Variants in DCTN4 observed in about 807,000 individuals in gnomAD.
The protein encoded by DCTN4 is dynactin subunit 4, also known as dynactin 4 (p62).
A neutral mutation model predicts 62.7 loss-of-function variants in DCTN4; 23 were observed. The observed-to-expected ratio is 0.37, with a 90% CI of 0.26 to 0.52. The LOEUF is 0.52. Ranked by LOEUF, DCTN4 falls within the 20% of genes least tolerant of loss-of-function variation. The pLI is 0.92. For missense variants in DCTN4, 514 were observed against 580.4 expected, an observed-to-expected ratio of 0.89 and a Z score of 1.18; for synonymous variants, 199 against 202.1, an observed-to-expected ratio of 0.98 and a Z score of 0.13.
At chr5:150,725,612 T>G (rs1760114778) in intron 8 of DCTN4, among the ~76,000 whole-genome samples, 1 of 152,222 alleles carries the variant, frequency 6.6e-6, no homozygotes, top group Non-Finnish European at 1.5e-5. Flanking sequence ...CTTTTAATAT[T>G]TCTTCTTTTC....
Position 150,758,952 on chromosome 5 carries a change from G to A in DCTN4, c.42C>T (p.Val14=). ...GGGCCCGAACCTTCTTTTCTCCCTGGACTAGATAGAGAACCCGGTCCGACT... is the reference window on the plus strand; with the variant it reads ...GGGCCCGAACCTTCTTTTCTCCCTGAACTAGATAGAGAACCCGGTCCGACT... ...LLQSDRVLYL[V]QGEKKVRAPL... is the part of the protein sequence containing the mutation. The change falls in exon 1 of 13, where the codon GTC becomes GTT. Residue 14 remains valine, a synonymous_variant. Coordinates refer to ENST00000447998, the MANE Select transcript of DCTN4 (RefSeq NM_016221.4). 6.2e-7 allele frequency: 1 copy of A among 1,614,112 alleles called. No homozygotes were observed. The highest frequency in any genetic ancestry group is 8.5e-7 in the Non-Finnish European group (1 of 1,180,002).
intron 11 of DCTN4, 145 bp from the exon 12 acceptor site, chr5:150,715,807 G>A (rs1252264893): frequency 4.7e-6 from 3 of 640,182 alleles, no homozygotes; most frequent in East Asian, 5.6e-5. Context: ...AAGAACAAAG[G>A]TTTTAAGAGA....
At chr5:150,717,085 C>T (rs557474897) in intron 11 of DCTN4, among the ~76,000 whole-genome samples, 1 of 151,286 alleles carries the variant, frequency 6.6e-6, no homozygotes, top group Non-Finnish European at 1.5e-5. Flanking sequence ...CTTTTTAAAC[C>T]ATTTCTATTA....
chr5:150,722,659 A>G (rs973401565), intron 9 of DCTN4, among the ~76,000 whole-genome samples: 1 of 152,238 alleles, frequency 6.6e-6, no homozygotes, highest in African/African-American at 2.4e-5. Context: ...CAAATAATCA[A>G]CATACCTTGT....
intron 3 of DCTN4, among the ~76,000 whole-genome samples, chr5:150,752,050 A>G (rs1752694624): frequency 6.6e-6 from 1 of 152,166 alleles, no homozygotes; most frequent in South Asian, 2.1e-4. Context: ...CAAAATGAGA[A>G]TTTTTACAAG....
rs753090245 is a variant in DCTN4 at position 150,742,132 on chromosome 5, T to G, written c.411A>C (p.Glu137Asp). ...SVASGGWQEPENPHTQRMNKL... is the reference protein window; with the variant it reads ...SVASGGWQEPDNPHTQRMNKL... Reference sequence around the variant, plus strand: ...TACTTACCCGTTGTGTGTGAGGATTTTCAGGTTCCTGCCAACCGCCACTAG... The same window carrying G: ...TACTTACCCGTTGTGTGTGAGGATTGTCAGGTTCCTGCCAACCGCCACTAG... The change falls in exon 4 of 13, where the codon GAA becomes GAC. Residue 137 changes from glutamate (E) to aspartate (D), a missense_variant. By Grantham distance (45) the Glu-to-Asp change is conservative. Coordinates refer to ENST00000447998, the MANE Select transcript of DCTN4 (RefSeq NM_016221.4). 3.7e-6 allele frequency: 6 copies of G among 1,613,988 alleles called. No individual in the cohort carries two copies. Among genetic ancestry groups the G allele is most frequent in the African/African-American group, 1.3e-5 (1 of 74,938 alleles).
chr5:150,755,867 G>A (rs1158249115), intron 2 of DCTN4, among the ~76,000 whole-genome samples: 1 of 152,138 alleles, frequency 6.6e-6, no homozygotes, highest in Non-Finnish European at 1.5e-5. Context: ...CAATAGGGGA[G>A]ACTGGATGTG....
chr5:150,725,700 C>T (rs1382109339), intron 8 of DCTN4, among the ~76,000 whole-genome samples: 1 of 152,110 alleles, frequency 6.6e-6, no homozygotes, highest in African/African-American at 2.4e-5. Context: ...TGATTCCTAA[C>T]TTAACTACGT....
intron 4 of DCTN4, 129 bp from the exon 5 acceptor site, chr5:150,733,604 T>C (rs1174733943): frequency 5.2e-6 from 3 of 580,582 alleles, no homozygotes; most frequent in Non-Finnish European, 8.6e-6. Flanking sequence ...TTTGCCCTTT[T>C]TCTTCTAAGA....
chr5:150,731,775 A>C, intron 5 of DCTN4: 1 of 1,010,446 alleles, frequency 9.9e-7, no homozygotes, highest in African/African-American at 1.6e-5. Flanking sequence ...GCTACGGCTC[A>C]GGCAAGAACT....
At position 150,729,042 on chromosome 5, in the gene DCTN4, C is replaced by CTTTTTTTTTTTTTTT. The variant is rs61106544; in HGVS notation, c.834+1574_834+1588dup. On this transcript the variant is annotated intron_variant, in intron 8 of 12. Coordinates refer to ENST00000447998, the MANE Select transcript of DCTN4 (RefSeq NM_016221.4). ...ACAAGTGTGTGAACCACCACACTGG[C>CTTTTTTTTTTTTTTT]TTTTTTTTTTTTTTTTTTTTTTTTT... Among the ~76,000 whole-genome samples the CTTTTTTTTTTTTTTT allele has an allele frequency of 1.5e-4, 8 of 52,148 alleles. 1 individual carries two copies. Among genetic ancestry groups the CTTTTTTTTTTTTTTT allele is most frequent in the African/African-American group, 6.1e-4 (8 of 13,134 alleles). 34.2% of individuals were successfully genotyped at this position (52,148 alleles called of 152,430 possible). A position where few individuals can be genotyped will look rare whatever the true frequency, so the allele number is the denominator to read the frequency against.
intron 3 of DCTN4, among the ~76,000 whole-genome samples, chr5:150,746,722 T>C (rs991125756): frequency 2.6e-5 from 4 of 152,168 alleles, no homozygotes; most frequent in Non-Finnish European, 5.9e-5. Flanking sequence ...GAAAAGGCCT[T>C]TGACAAAATT....
At position 150,727,084 on chromosome 5, in the gene DCTN4, G is replaced by T. The variant is rs114622541; in HGVS notation, c.834+3547C>A. On this transcript the variant is annotated intron_variant, in intron 8 of 12. Transcript: ENST00000447998. ...GGTGGGGAAGAACAAGGATAATGGC[G>T]GGGAGGATTGGCCTAACTAACCACT... 3.2e-3 allele frequency among the ~76,000 whole-genome samples: 481 copies of T among 152,234 alleles called. 1 individual carries two copies. The highest frequency in any genetic ancestry group is 3.7e-3 in the Non-Finnish European group (249 of 68,018).
intron 4 of DCTN4, among the ~76,000 whole-genome samples, chr5:150,735,329 G>A (rs7727767): frequency 0.041 from 6,268 of 152,282 alleles, 458 homozygotes; most frequent in African/African-American, 0.14. Flanking sequence ...GTCTGTCCAC[G>A]TGACAATTCA....
At chr5:150,733,686 T>C (rs1358066335) in intron 4 of DCTN4, 2 of 448,446 alleles carry the variant, frequency 4.5e-6, no homozygotes, top group East Asian at 3.7e-5. Flanking sequence ...TGGGAAGAAA[T>C]GGGCAATGAA....
chr5:150,753,840 C>T (rs895059426), intron 2 of DCTN4, among the ~76,000 whole-genome samples, 183 bp from the exon 3 acceptor site: 14 of 152,164 alleles, frequency 9.2e-5, no homozygotes, highest in South Asian at 4.1e-4. Context: ...ATGCAGTTAT[C>T]GCCAAAGTAA....
At chr5:150,740,207 C>G (rs1760719488) in intron 4 of DCTN4, among the ~76,000 whole-genome samples, 1 of 151,982 alleles carries the variant, frequency 6.6e-6, no homozygotes, top group African/African-American at 2.4e-5. Flanking sequence ...CTACAAGACA[C>G]TCAAACAAAT....
Position 150,722,843 on chromosome 5 carries a change from GGAA to G in DCTN4, c.908+61_908+63del, listed in dbSNP as rs1760002373. 4.8e-6 allele frequency: 6 copies of G among 1,250,296 alleles called. No homozygotes were observed. The Admixed American group carries it at 1.0e-4, about 22-fold the overall frequency. The allele number at this position is 1,250,296 out of a possible 1,614,324, so 77.5% of individuals were successfully genotyped here. ...CAAGAGTAAACACACTTCATACTGG[GGAA>G]GAAGAATAAACCAAAATAACTCAAA... is the stretch of plus-strand genomic sequence containing the variant. On this transcript the variant is annotated intron_variant, in intron 9 of 12. Transcript: ENST00000447998.
chr5:150,728,354 T>G, intron 8 of DCTN4, among the ~76,000 whole-genome samples: 1 of 152,204 alleles, frequency 6.6e-6, no homozygotes, highest in African/African-American at 2.4e-5. Context: ...CTGTGTGTAC[T>G]TGAAAAGAAT....
Sources: gnomAD v4.1 joint callset for allele counts (sites outside exome capture counted in the v4.1 genomes callset) on GRCh38, gnomAD v4.1.1 for gene constraint, MANE v1.5 for transcripts, NCBI Gene and HGNC (gene_info 2026-07-23, HGNC 2026-07-21) for gene names.